Variants in ADGRL3 observed in about 807,000 individuals in gnomAD.
ADGRL3 encodes the protein calcium-independent alpha-latrotoxin receptor 3.
Under a neutral mutation model 153.5 loss-of-function variants are expected in ADGRL3, and 62 were observed. The observed-to-expected ratio is 0.40, with a 90% CI of 0.33 to 0.50. The LOEUF is 0.50. ADGRL3 is among the 20% of genes least tolerant of loss of function. ADGRL3 has a pLI of 0.47. For synonymous variants in ADGRL3, 710 were observed against 672.5 expected, an observed-to-expected ratio of 1.06 and a Z score of -0.86; for missense variants, 1,641 against 1,859.4, an observed-to-expected ratio of 0.88 and a Z score of 2.16.
At chr4:61,351,761 G>C (rs1033085842) in intron 1 of ADGRL3, among the ~76,000 whole-genome samples, 3 of 151,754 alleles carry the variant, frequency 2.0e-5, no homozygotes, top group Non-Finnish European at 4.4e-5. Flanking sequence ...AAAAGAAAAA[G>C]AAAAAGAAAA....
Position 61,665,589 on chromosome 4 carries a change from T to A in ADGRL3, c.474-11237T>A, listed in dbSNP as rs180704433. Among the ~76,000 whole-genome samples the A allele has an allele frequency of 1.1e-3, 165 of 152,318 alleles. 2 individuals are homozygous for A. Among genetic ancestry groups the A allele is most frequent in the Admixed American group, 4.4e-3 (68 of 15,298 alleles). ...TCCAAGCCATGGGAATGACTCTGGT[T>A]AAATCTCTGAATTAATCAACTTAGA... On this transcript the variant is annotated intron_variant, in intron 5 of 26. Coordinates refer to ENST00000683033, the MANE Select transcript of ADGRL3 (RefSeq NM_001387552.1).
At chr4:61,445,698 C>T (rs1324854672) in intron 2 of ADGRL3, among the ~76,000 whole-genome samples, 1 of 152,176 alleles carries the variant, frequency 6.6e-6, no homozygotes, top group Non-Finnish European at 1.5e-5. Flanking sequence ...CTCAGAGAGA[C>T]TTTCATTGAG....
intron 24 of ADGRL3, 85 bp from the exon 25 acceptor site, chr4:62,044,368 A>G: frequency 1.1e-6 from 1 of 915,824 alleles, no homozygotes. Flanking sequence ...GTCTCATATA[A>G]TTATGACAGA....
At chr4:62,068,104 T>C in intron 25 of ADGRL3, 62 bp from the exon 26 acceptor site, 1 of 1,164,768 alleles carries the variant, frequency 8.6e-7, no homozygotes, top group Non-Finnish European at 1.2e-6. Flanking sequence ...TCATGTTTCT[T>C]CTACTGTCGC....
intron 5 of ADGRL3, among the ~76,000 whole-genome samples, chr4:61,610,982 C>G (rs112333909): frequency 2.0e-5 from 3 of 152,052 alleles, no homozygotes; most frequent in East Asian, 1.9e-4. Context: ...TTTCCCCACA[C>G]GAGACCATTA....
At chr4:61,262,548 C>T (rs902091480) in intron 1 of ADGRL3, among the ~76,000 whole-genome samples, 4 of 152,090 alleles carry the variant, frequency 2.6e-5, no homozygotes, top group South Asian at 4.1e-4. Flanking sequence ...TTTACTCACC[C>T]GGGCTGCTTC....
chr4:61,511,147 A>G (rs2098461656), intron 3 of ADGRL3, among the ~76,000 whole-genome samples: 1 of 152,056 alleles, frequency 6.6e-6, no homozygotes, highest in Non-Finnish European at 1.5e-5. Flanking sequence ...CACTTGAGGT[A>G]GGGAGTTCAA....
intron 3 of ADGRL3, among the ~76,000 whole-genome samples, chr4:61,510,157 T>C (rs972945372): frequency 2.0e-5 from 3 of 152,160 alleles, no homozygotes; most frequent in African/African-American, 7.2e-5. Flanking sequence ...TCTGTAATAT[T>C]AGATGTTTGT....
intron 9 of ADGRL3, among the ~76,000 whole-genome samples, chr4:61,821,869 G>A (rs901058547): frequency 6.6e-6 from 1 of 152,084 alleles, no homozygotes; most frequent in African/African-American, 2.4e-5. Context: ...AGGTGGTTCT[G>A]CCTAGTGCAT....
Position 62,069,349 on chromosome 4 carries a change from A to G in ADGRL3, c.3833-760A>G, listed in dbSNP as rs139409413. ...TTTGTAGTATTACCTAATGACCCTA[A>G]AAAAATCTCTGATGGGATGGTATAT... On this transcript the variant is annotated intron_variant, in intron 26 of 26. Coordinates refer to ENST00000683033, the MANE Select transcript of ADGRL3 (RefSeq NM_001387552.1). Among the ~76,000 whole-genome samples, 110 of 152,236 alleles carry G rather than the reference A, an allele frequency of 7.2e-4. No homozygotes were observed. In the East Asian group the frequency reaches 0.018, roughly 25 times the overall value.
chr4:61,775,028 G>T (rs2097131517), intron 8 of ADGRL3, among the ~76,000 whole-genome samples: 1 of 152,094 alleles, frequency 6.6e-6, no homozygotes, highest in African/African-American at 2.4e-5. Flanking sequence ...GGAGAGAGGG[G>T]ATACCTTTGT....
intron 6 of ADGRL3, among the ~76,000 whole-genome samples, chr4:61,678,794 CT>C (rs140488182): frequency 0.021 from 3,195 of 152,078 alleles, 109 homozygotes; most frequent in East Asian, 0.17. Context: ...ACGTTGTAGC[CT>C]GATCGTGTCT....
intron 13 of ADGRL3, among the ~76,000 whole-genome samples, chr4:61,921,779 A>C (rs2098770634): frequency 6.6e-6 from 1 of 152,200 alleles, no homozygotes; most frequent in Non-Finnish European, 1.5e-5. Context: ...GTTTCTTTAT[A>C]AATCTTGTCA....
At chr4:61,842,327 A>C (rs1352594782) in intron 9 of ADGRL3, among the ~76,000 whole-genome samples, 1 of 152,186 alleles carries the variant, frequency 6.6e-6, no homozygotes, top group Non-Finnish European at 1.5e-5. Flanking sequence ...ATTTTTCTAC[A>C]TAGATAAGTA....
At chr4:61,972,493 C>T (rs1448697029) in intron 17 of ADGRL3, among the ~76,000 whole-genome samples, 1 of 152,084 alleles carries the variant, frequency 6.6e-6, no homozygotes, top group Non-Finnish European at 1.5e-5. Context: ...TTTCTGAGGG[C>T]TCTGTTCTGT....
chr4:61,638,104 C>T (rs2093506750), intron 5 of ADGRL3, among the ~76,000 whole-genome samples: 1 of 152,070 alleles, frequency 6.6e-6, no homozygotes, highest in Non-Finnish European at 1.5e-5. Flanking sequence ...TTCATAGTAG[C>T]TTTGTTGATA....
At chr4:62,022,579 A>G (rs2099242970) in intron 21 of ADGRL3, among the ~76,000 whole-genome samples, 1 of 152,156 alleles carries the variant, frequency 6.6e-6, no homozygotes, top group South Asian at 2.1e-4. Flanking sequence ...CTAATCCTCA[A>G]ATAATAGACT....
At chr4:61,676,307 A>G (rs911224125) in intron 5 of ADGRL3, among the ~76,000 whole-genome samples, 1 of 151,986 alleles carries the variant, frequency 6.6e-6, no homozygotes, top group South Asian at 2.1e-4. Context: ...TTCAAATATC[A>G]ATTTTAACAT....
chr4:61,272,510 T>C (rs562998543), intron 1 of ADGRL3, among the ~76,000 whole-genome samples: 1 of 152,248 alleles, frequency 6.6e-6, no homozygotes, highest in South Asian at 2.1e-4. Flanking sequence ...TTTATGAGCA[T>C]TCATTTTAAA....
Sources: gnomAD v4.1 joint callset for allele counts (sites outside exome capture counted in the v4.1 genomes callset) on GRCh38, gnomAD v4.1.1 for gene constraint, MANE v1.5 for transcripts, NCBI Gene and HGNC (gene_info 2026-07-23, HGNC 2026-07-21) for gene names.